MAPKAP1: variants seen among roughly 807,000 people sequenced by gnomAD.
The protein encoded by MAPKAP1 is MAPK associated protein 1.
In MAPKAP1, 20 loss-of-function variants were observed where a neutral mutation model predicts 65.7. The ratio of observed to expected loss-of-function variants is 0.30; its 90% CI spans 0.21 to 0.44. The LOEUF is 0.44. Ranked by LOEUF, MAPKAP1 falls within the 20% of genes least tolerant of loss-of-function variation. The probability of loss-of-function intolerance (pLI) is 1.00; values close to 1 mark genes in which losing one functional copy is unlikely to be tolerated. For synonymous variants in MAPKAP1, 222 were observed against 244.3 expected (o/e 0.91, Z 0.85); for missense variants, 423 against 648.0 (o/e 0.65, Z 3.77).
intron 3 of MAPKAP1, among the ~76,000 whole-genome samples, chr9:125,664,257 GA>G (rs1834271280): frequency 6.6e-6 from 1 of 151,702 alleles, no homozygotes. Context: ...TGAGGCAGGA[GA>G]ATCACTTGAA....
intron 7 of MAPKAP1, among the ~76,000 whole-genome samples, chr9:125,532,899 T>TC (rs1372646025): frequency 6.6e-6 from 1 of 152,250 alleles, no homozygotes; most frequent in Non-Finnish European, 1.5e-5. Flanking sequence ...TTTAAACTAG[T>TC]GTTGATGACA....
intron 9 of MAPKAP1, chr9:125,477,931 C>CT (rs1854170146): frequency 6.6e-6 from 1 of 152,150 alleles, no homozygotes; most frequent in Non-Finnish European, 1.5e-5. Context: ...GACATCTGTA[C>CT]TTTTTAGGAC....
At chr9:125,700,050 G>A (rs1382644778) in intron 1 of MAPKAP1, among the ~76,000 whole-genome samples, 1 of 152,150 alleles carries the variant, frequency 6.6e-6, no homozygotes, top group Non-Finnish European at 1.5e-5. Flanking sequence ...TGGCATTACT[G>A]TCCCCATTTT....
chr9:125,473,416 G>C (rs1853997345), intron 9 of MAPKAP1, among the ~76,000 whole-genome samples: 1 of 152,152 alleles, frequency 6.6e-6, no homozygotes, highest in Non-Finnish European at 1.5e-5. Context: ...CAGATACAGT[G>C]AGTCAAACTT....
At chr9:125,489,135 A>T (rs375679417) in intron 8 of MAPKAP1, among the ~76,000 whole-genome samples, 2 of 152,332 alleles carry the variant, frequency 1.3e-5, no homozygotes, top group African/African-American at 4.8e-5. Flanking sequence ...AGCAACTCAA[A>T]GTGAAAAGCA....
rs140352315 is a variant in MAPKAP1 at position 125,554,106 on chromosome 9, G to C, written c.848+5527C>G. Reference sequence around the variant, plus strand: ...GGGGTTATGTGTTCCAGCAGCTAGAGTTATTTAACATAACTAACAAACTTA... The same window carrying C: ...GGGGTTATGTGTTCCAGCAGCTAGACTTATTTAACATAACTAACAAACTTA... On this transcript the variant is annotated intron_variant, in intron 6 of 11. Coordinates refer to ENST00000265960, the MANE Select transcript of MAPKAP1 (RefSeq NM_001006617.3). Among the ~76,000 whole-genome samples the C allele has an allele frequency of 2.7e-3, 412 of 152,264 alleles. 1 individual carries two copies. Among genetic ancestry groups the C allele is most frequent in the African/African-American group, 9.0e-3 (374 of 41,548 alleles).
At chr9:125,474,532 G>A (rs959737163) in intron 9 of MAPKAP1, among the ~76,000 whole-genome samples, 1 of 152,132 alleles carries the variant, frequency 6.6e-6, no homozygotes, top group Non-Finnish European at 1.5e-5. Context: ...AGCCTATGGT[G>A]AATCAAATTA....
chr9:125,482,844 G>A (rs73591545), intron 9 of MAPKAP1, among the ~76,000 whole-genome samples: 2,117 of 152,286 alleles, frequency 0.014, 45 homozygotes, highest in African/African-American at 0.047. Flanking sequence ...TGATCAGCCT[G>A]CTAGAATCAC....
At chr9:125,505,207 G>A (rs972441230) in intron 8 of MAPKAP1, among the ~76,000 whole-genome samples, 8 of 152,174 alleles carry the variant, frequency 5.3e-5, no homozygotes, top group Non-Finnish European at 8.8e-5. Context: ...TGAGGCGGGC[G>A]GATCACCACG....
At chr9:125,523,014 G>C (rs1829663832) in intron 7 of MAPKAP1, among the ~76,000 whole-genome samples, 1 of 152,112 alleles carries the variant, frequency 6.6e-6, no homozygotes, top group South Asian at 2.1e-4. Flanking sequence ...GGCCCAACCA[G>C]AGTCCCAGAC....
At chr9:125,459,562 C>T (rs1853379329) in intron 10 of MAPKAP1, among the ~76,000 whole-genome samples, 1 of 152,124 alleles carries the variant, frequency 6.6e-6, no homozygotes, top group Non-Finnish European at 1.5e-5. Flanking sequence ...TCTGCAATCC[C>T]GGCACCTCAG....
chr9:125,507,001 G>A (rs1829160669), intron 7 of MAPKAP1, among the ~76,000 whole-genome samples: 1 of 152,142 alleles, frequency 6.6e-6, no homozygotes, highest in South Asian at 2.1e-4. Flanking sequence ...TGTGGAAAAA[G>A]TTTTTAAATT....
chr9:125,573,258 A>G (rs552270076), intron 5 of MAPKAP1, among the ~76,000 whole-genome samples: 2 of 152,356 alleles, frequency 1.3e-5, no homozygotes, highest in Admixed American at 1.3e-4. Context: ...AATAAAGGTC[A>G]TAACAACCTT....
At chr9:125,570,740 G>GT (rs1831203821) in intron 5 of MAPKAP1, among the ~76,000 whole-genome samples, 1 of 151,850 alleles carries the variant, frequency 6.6e-6, no homozygotes. Context: ...ATTGTTTTAA[G>GT]TAAGAAAAAA....
intron 1 of MAPKAP1, among the ~76,000 whole-genome samples, chr9:125,706,646 C>T (rs1227762535): frequency 6.6e-6 from 1 of 151,938 alleles, no homozygotes; most frequent in Non-Finnish European, 1.5e-5. Context: ...TGCTTGAAAA[C>T]CTTGATTTTC....
chr9:125,621,692 G>A (rs1223122646), intron 4 of MAPKAP1, among the ~76,000 whole-genome samples: 1 of 152,146 alleles, frequency 6.6e-6, no homozygotes, highest in Non-Finnish European at 1.5e-5. Context: ...CCTAACTGAA[G>A]GCTGCTTTAG....
intron 1 of MAPKAP1, among the ~76,000 whole-genome samples, chr9:125,674,119 A>G (rs1834575203): frequency 6.6e-6 from 1 of 152,182 alleles, no homozygotes; most frequent in African/African-American, 2.4e-5. Context: ...ATTACTCGTT[A>G]GCTATAAGAT....
chr9:125,438,365 C>T lies in MAPKAP1; in HGVS notation c.*522G>A, dbSNP rs1329166894. ...GACCTAAACATTTCTTCTGAGAAAT[C>T]GAACCATAGCTTTTCCAATCTGCCT... On this transcript the variant is annotated 3_prime_UTR_variant, in exon 12 of 12. Transcript: ENST00000265960. The T allele has an allele frequency of 1.0e-5, 4 of 399,048 alleles. No individual in the cohort carries two copies. Among genetic ancestry groups the T allele is most frequent in the East Asian group, 3.6e-5 (1 of 28,100 alleles). The allele number at this position is 399,048 out of a possible 1,614,324, so 24.7% of individuals were successfully genotyped here.
At chr9:125,464,671 A>G (rs1764685769) in intron 10 of MAPKAP1, among the ~76,000 whole-genome samples, 1 of 152,200 alleles carries the variant, frequency 6.6e-6, no homozygotes, top group South Asian at 2.1e-4. Context: ...AAGAGGGAGA[A>G]GTCGAGGGGA....
Sources: gnomAD v4.1 joint callset for allele counts (sites outside exome capture counted in the v4.1 genomes callset) on GRCh38, gnomAD v4.1.1 for gene constraint, MANE v1.5 for transcripts, NCBI Gene and HGNC (gene_info 2026-07-23, HGNC 2026-07-21) for gene names.